The following PAK1 variants were observed in gnomAD, a reference collection of about 807,000 sequenced individuals.
PAK1 encodes the protein p21 (RAC1) activated kinase 1.
Under a neutral mutation model 67.4 loss-of-function variants are expected in PAK1, and 29 were observed. The observed-to-expected ratio is 0.43, with a 90% confidence interval of 0.32 to 0.59. The LOEUF (loss-of-function observed/expected upper bound fraction) is 0.59, where lower values mean the gene tolerates loss of function less well. Among genes scored for constraint, PAK1 ranks in the 20% least tolerant of loss-of-function variants. The probability of loss-of-function intolerance (pLI) is 0.07; values close to 1 mark genes in which losing one functional copy is unlikely to be tolerated. For synonymous variants in PAK1, 223 were observed against 237.4 expected, an observed-to-expected ratio of 0.94 and a Z score of 0.56; for missense variants, 337 against 670.7, an observed-to-expected ratio of 0.50 and a Z score of 5.50.
the PAK1 span, among the ~76,000 whole-genome samples, chr11:77,509,620 G>A: frequency 5.9e-5 from 9 of 152,172 alleles, no homozygotes; most frequent in Admixed American, 4.6e-4. Flanking sequence ...CAATGCTGGA[G>A]GTAGGGCCTG....
intron 10 of PAK1, among the ~76,000 whole-genome samples, chr11:77,341,943 G>A (rs1943668646): frequency 6.6e-6 from 1 of 152,176 alleles, no homozygotes. Context: ...CAGACTAAGT[G>A]TTTCTTCAAC....
chr11:77,393,334 C>T (rs1489917104), intron 1 of PAK1, among the ~76,000 whole-genome samples: 4 of 151,438 alleles, frequency 2.6e-5, no homozygotes, highest in Non-Finnish European at 5.9e-5. Flanking sequence ...TGCTCTGTTA[C>T]CCCAGGCTGG....
At chr11:77,327,342 CA>C (rs1476709416) in intron 14 of PAK1, among the ~76,000 whole-genome samples, 11 of 152,062 alleles carry the variant, frequency 7.2e-5, no homozygotes, top group Non-Finnish European at 1.3e-4. Flanking sequence ...TCAGATTCAC[CA>C]AAGTTGAAAT....
In PAK1 at chr11:77,322,920, A is replaced by G. The variant is rs1356886248; in HGVS notation, c.*354T>C. ...AATTGATAATATTATCAAACCATAA[A>G]TTTATATAGTCAAGAATTAATTGTG... On this transcript the variant is annotated 3_prime_UTR_variant, in exon 15 of 15. Transcript: ENST00000356341. 2 of 570,214 alleles carry G rather than the reference A, an allele frequency of 3.5e-6. No individual in the cohort carries two copies. The highest frequency in any genetic ancestry group is 2.8e-5 in the East Asian group (1 of 35,284). The allele number at this position is 570,214 out of a possible 1,614,324, so 35.3% of individuals were successfully genotyped here.
intron 2 of PAK1, among the ~76,000 whole-genome samples, chr11:77,385,829 G>A (rs1286620634): frequency 6.6e-6 from 1 of 152,092 alleles, no homozygotes; most frequent in Non-Finnish European, 1.5e-5. Flanking sequence ...CTGCACTCTA[G>A]CCCGGACAAC....
intron 1 of PAK1, among the ~76,000 whole-genome samples, chr11:77,453,518 A>T (rs1163595010): frequency 3.5e-5 from 3 of 86,334 alleles, no homozygotes; most frequent in East Asian, 2.3e-4. Context: ...AGATATATTA[A>T]AAAAAAAAAA....
the PAK1 span, among the ~76,000 whole-genome samples, chr11:77,522,012 A>G: frequency 6.6e-6 from 1 of 152,246 alleles, no homozygotes; most frequent in Non-Finnish European, 1.5e-5. Context: ...CCTCATTTTC[A>G]TTAAAAACAA....
At chr11:77,517,918 G>A in the PAK1 span, among the ~76,000 whole-genome samples, 1 of 152,122 alleles carries the variant, frequency 6.6e-6, no homozygotes, top group Non-Finnish European at 1.5e-5. Flanking sequence ...TGCCATCTGA[G>A]AGGAGGCAGA....
chr11:77,463,311 C>T (rs779237047), intron 1 of PAK1, among the ~76,000 whole-genome samples: 1 of 151,994 alleles, frequency 6.6e-6, no homozygotes, highest in Non-Finnish European at 1.5e-5. Flanking sequence ...ACCACAGAAT[C>T]TAAATAATGG....
At chr11:77,509,899 C>T in the PAK1 span, among the ~76,000 whole-genome samples, 5 of 152,292 alleles carry the variant, frequency 3.3e-5, no homozygotes, top group East Asian at 3.9e-4. Flanking sequence ...CCAATTAAAC[C>T]TCTCTTCTGT....
chr11:77,460,150 T>A (rs1555174340), intron 1 of PAK1, among the ~76,000 whole-genome samples: 1 of 129,290 alleles, frequency 7.7e-6, no homozygotes, highest in Non-Finnish European at 1.6e-5. Flanking sequence ...TCTCAAACTC[T>A]GTAGAATAGA....
At chr11:77,349,335 A>G (rs781688480) in intron 8 of PAK1, 48 bp from the exon 9 acceptor site, 1 of 1,425,758 alleles carries the variant, frequency 7.0e-7, no homozygotes, top group South Asian at 1.2e-5. Context: ...ACAGTGTTCA[A>G]TAAAGTGATA....
chr11:77,362,448 C>A (rs1007952230), intron 5 of PAK1, among the ~76,000 whole-genome samples: 1 of 152,208 alleles, frequency 6.6e-6, no homozygotes, highest in Middle Eastern at 3.4e-3. Flanking sequence ...TTATAATTCT[C>A]TCCAATTAAG....
chr11:77,382,408 T>C (rs1039623030), intron 2 of PAK1, among the ~76,000 whole-genome samples: 3 of 152,182 alleles, frequency 2.0e-5, no homozygotes, highest in Non-Finnish European at 4.4e-5. Flanking sequence ...TTCTCCTTGT[T>C]TGGAATGCTC....
the PAK1 span, among the ~76,000 whole-genome samples, chr11:77,485,539 A>C: frequency 6.6e-6 from 1 of 152,124 alleles, no homozygotes; most frequent in South Asian, 2.1e-4. Context: ...GCAATGGCGC[A>C]ATCTCAGCTC....
At chr11:77,433,505 C>T (rs1409894002) in intron 1 of PAK1, among the ~76,000 whole-genome samples, 3 of 152,260 alleles carry the variant, frequency 2.0e-5, no homozygotes, top group East Asian at 3.9e-4. Context: ...AGAGGCTGGG[C>T]GCAGTGGCTC....
At chr11:77,337,804 T>C (rs1445056823) in intron 11 of PAK1, among the ~76,000 whole-genome samples, 3 of 152,144 alleles carry the variant, frequency 2.0e-5, no homozygotes, top group East Asian at 1.9e-4. Context: ...AGGGTCATAT[T>C]TGAGGAAGCA....
rs1433166591 is a variant in PAK1, at chr11:77,353,418, G to A, written c.836+118C>T. 14 of 707,732 alleles carry A rather than the reference G, an allele frequency of 2.0e-5. No individual in the cohort carries two copies. In the East Asian group the frequency reaches 3.7e-4, roughly 19 times the overall value. 43.8% of individuals were successfully genotyped at this position (707,732 alleles called of 1,614,324 possible). On this transcript the variant is annotated intron_variant, in intron 8 of 14. Coordinates refer to ENST00000356341, the MANE Select transcript of PAK1 (RefSeq NM_002576.5). ...CACATAACAACTCCAGATGGGTGAG[G>A]GGTAAAGTGGAGAAAGAAGAACAAG...
At chr11:77,429,081 A>C (rs1225484) in intron 1 of PAK1, among the ~76,000 whole-genome samples, 24,830 of 110,840 alleles carry the variant, frequency 0.22, 4,057 homozygotes, top group Non-Finnish European at 0.3. Context: ...AAAAAAAAAA[A>C]AAAAAAAAAA....
Sources: allele counts gnomAD v4.1 joint callset (sites outside exome capture counted in the v4.1 genomes callset), GRCh38; gene constraint gnomAD v4.1.1; transcripts MANE v1.5; gene names NCBI Gene and HGNC (gene_info 2026-07-23, HGNC 2026-07-21).